Variants in LGR6 observed in about 807,000 individuals in gnomAD.
The protein encoded by LGR6 is leucine rich repeat containing G protein-coupled receptor 6.
A neutral mutation model predicts 69.4 loss-of-function variants in LGR6; 45 were observed. The ratio of observed to expected loss-of-function variants is 0.65; its 90% CI spans 0.51 to 0.83. LGR6 has a LOEUF of 0.83. Among genes scored for constraint, LGR6 ranks in the 40% least tolerant of loss-of-function variants. The pLI is 0.00. For missense variants in LGR6, 1,108 were observed against 1,246.7 expected (o/e 0.89, Z 1.68); for synonymous variants, 538 against 555.0 (o/e 0.97, Z 0.43).
At chr1:202,202,376 G>A (rs997638669) in intron 1 of LGR6, among the ~76,000 whole-genome samples, 13 of 152,160 alleles carry the variant, frequency 8.5e-5, no homozygotes, top group African/African-American at 3.1e-4. Flanking sequence ...GGCCTCTCAG[G>A]CGAAAGGCAC....
At chr1:202,298,128 T>C (rs550359131) in intron 7 of LGR6, among the ~76,000 whole-genome samples, 16 of 152,322 alleles carry the variant, frequency 1.1e-4, no homozygotes, top group Admixed American at 6.5e-4. Flanking sequence ...TTCAGCCTCA[T>C]TGAAGACACA....
At chr1:202,205,381 T>TAACACACGCACCTAG (rs201401636) in intron 1 of LGR6, among the ~76,000 whole-genome samples, 1 of 3,244 alleles carries the variant, frequency 3.1e-4, no homozygotes, top group Admixed American at 2.9e-3. Context: ...CACACACACC[T>TAACACACGCACCTAG]CACACACCTC....
chr1:202,196,069 T>G (rs1362491179), intron 1 of LGR6, among the ~76,000 whole-genome samples: 3 of 152,118 alleles, frequency 2.0e-5, no homozygotes, highest in Non-Finnish European at 4.4e-5. Flanking sequence ...CTCTCAAGAC[T>G]CAGGGGATGC....
At chr1:202,267,225 G>C (rs1361842746) in intron 4 of LGR6, among the ~76,000 whole-genome samples, 1 of 152,196 alleles carries the variant, frequency 6.6e-6, no homozygotes, top group Non-Finnish European at 1.5e-5. Flanking sequence ...ACCCAAGATG[G>C]AGGGATGATG....
At chr1:202,195,212 G>A (rs1191249572) in intron 1 of LGR6, among the ~76,000 whole-genome samples, 3 of 152,252 alleles carry the variant, frequency 2.0e-5, no homozygotes, top group Non-Finnish European at 4.4e-5. Flanking sequence ...GGATCCCAGA[G>A]TTCCTTCTGG....
intron 4 of LGR6, chr1:202,236,429 T>A (rs1364761761): frequency 5.5e-6 from 1 of 182,264 alleles, no homozygotes; most frequent in Non-Finnish European, 1.1e-5. Context: ...TAGGCTCAGA[T>A]ACTCATTTTC....
intron 1 of LGR6, among the ~76,000 whole-genome samples, chr1:202,199,835 C>T (rs887685561): frequency 1.3e-5 from 2 of 152,220 alleles, no homozygotes; most frequent in Admixed American, 1.3e-4. Flanking sequence ...ATAGTATCTA[C>T]CTCAAAGGGT....
chr1:202,240,983 GTTAT>G (rs1482407834), intron 4 of LGR6, among the ~76,000 whole-genome samples: 2 of 152,194 alleles, frequency 1.3e-5, no homozygotes, highest in African/African-American at 4.8e-5. Flanking sequence ...CACCGTCTCT[GTTAT>G]CAGATGAAGA....
At position 202,272,669 on chromosome 1, in the gene LGR6, C is replaced by A. The variant is rs1372424595; in HGVS notation, c.429-3637C>A. Among the ~76,000 whole-genome samples, 7 of 152,222 alleles carry A rather than the reference C, an allele frequency of 4.6e-5. No individual in the cohort carries two copies. The South Asian group carries it at 1.4e-3, about 32-fold the overall frequency. ...GCCCAGCCTGGCAAAAGGGCCCTTC[C>A]CAAGCTCTCCTGCCTATGGGTTACA... On this transcript the variant is annotated intron_variant, in intron 4 of 17. Transcript: ENST00000367278.
In LGR6 at chr1:202,221,852, G is replaced by A. The variant is rs556386678; in HGVS notation, c.213-3571G>A. 5.3e-5 allele frequency among the ~76,000 whole-genome samples: 8 copies of A among 152,324 alleles called. No individual in the cohort carries two copies. The East Asian group carries it at 5.8e-4, about 11-fold the overall frequency. On this transcript the variant is annotated intron_variant, in intron 1 of 17. Transcript: ENST00000367278. ...TGTCCTCTTATTTCCCCTGGGTCCAGGCAGGGCCTGAATGTTTGAGCTGTG... is the reference window on the plus strand; with the variant it reads ...TGTCCTCTTATTTCCCCTGGGTCCAAGCAGGGCCTGAATGTTTGAGCTGTG...
intron 2 of LGR6, among the ~76,000 whole-genome samples, chr1:202,226,635 G>A (rs2147956936): frequency 6.6e-6 from 1 of 152,300 alleles, no homozygotes; most frequent in African/African-American, 2.4e-5. Flanking sequence ...AGCTCAAGGT[G>A]CTCTGGGAGA....
chr1:202,295,906 TG>T (rs1223130200), intron 6 of LGR6, among the ~76,000 whole-genome samples: 1 of 119,196 alleles, frequency 8.4e-6, no homozygotes, highest in Non-Finnish European at 1.9e-5. Flanking sequence ...TGTGTGTGTG[TG>T]TGTGTGTGAC....
At chr1:202,296,422 A>G (rs1383343664) in intron 6 of LGR6, among the ~76,000 whole-genome samples, 1 of 152,180 alleles carries the variant, frequency 6.6e-6, no homozygotes, top group Admixed American at 6.5e-5. Flanking sequence ...AGGGAGTACA[A>G]CTTTCTAGAA....
In LGR6 at chr1:202,307,311, A is replaced by C. The variant is rs1169879457; in HGVS notation, c.1209-19A>C. On this transcript the variant is annotated intron_variant, in intron 13 of 17. Coordinates refer to ENST00000367278, the MANE Select transcript of LGR6 (RefSeq NM_001017403.2). ...CCACATGTTACTGTCCCCTCCTGTC[A>C]CACCCTCTCTGCCTGCAGGGATCTT... The C allele has an allele frequency of 1.9e-6, 3 of 1,613,032 alleles. No homozygotes were observed. The highest frequency in any genetic ancestry group is 4.5e-5 in the East Asian group (2 of 44,876).
At chr1:202,296,769 T>G (rs1667189190) in intron 6 of LGR6, among the ~76,000 whole-genome samples, 1 of 152,174 alleles carries the variant, frequency 6.6e-6, no homozygotes, top group Admixed American at 6.5e-5. Flanking sequence ...TCCTTACACA[T>G]TCCTAGACTT....
chr1:202,218,082 C>T (rs951063948), intron 1 of LGR6, among the ~76,000 whole-genome samples: 2 of 152,162 alleles, frequency 1.3e-5, no homozygotes, highest in Admixed American at 1.3e-4. Flanking sequence ...GGAGGCTGTG[C>T]TAGAAACTAA....
intron 1 of LGR6, among the ~76,000 whole-genome samples, chr1:202,206,284 A>G (rs1044807224): frequency 8.5e-5 from 13 of 152,228 alleles, no homozygotes; most frequent in African/African-American, 3.1e-4. Flanking sequence ...AGAGAGAATG[A>G]GCATTGCGAC....
intron 1 of LGR6, among the ~76,000 whole-genome samples, chr1:202,214,993 GTGTGT>G (rs1558009833): frequency 8.5e-5 from 10 of 118,044 alleles, no homozygotes; most frequent in African/African-American, 3.0e-4. Context: ...GCACCTGGGT[GTGTGT>G]GTGTGTGTGT....
At chr1:202,263,217 G>T (rs113468246) in intron 4 of LGR6, among the ~76,000 whole-genome samples, 14 of 152,016 alleles carry the variant, frequency 9.2e-5, no homozygotes, top group Non-Finnish European at 2.1e-4. Flanking sequence ...CCGCCTCCCG[G>T]GTTCAAGCAA....
Sources: gnomAD v4.1 joint callset for allele counts (sites outside exome capture counted in the v4.1 genomes callset) on GRCh38, gnomAD v4.1.1 for gene constraint, MANE v1.5 for transcripts, NCBI Gene and HGNC (gene_info 2026-07-23, HGNC 2026-07-21) for gene names.